KLHL29: variants seen among roughly 807,000 people sequenced by gnomAD.
KLHL29 encodes the protein kelch like family member 29, also known as kelch-like protein 29.
Under a neutral mutation model 80.4 loss-of-function variants are expected in KLHL29, and 21 were observed. The observed-to-expected ratio is 0.26, with a 90% CI of 0.19 to 0.38. The LOEUF is 0.38. Ranked by LOEUF, KLHL29 falls within the 10% of genes least tolerant of loss-of-function variation. KLHL29 has a pLI of 1.00. For synonymous variants in KLHL29, 511 were observed against 526.8 expected (o/e 0.97, Z 0.41); for missense variants, 867 against 1,223.9 (o/e 0.71, Z 4.35).
At chr2:23,431,028 AC>A (rs1663161361) in intron 1 of KLHL29, among the ~76,000 whole-genome samples, 1 of 151,994 alleles carries the variant, frequency 6.6e-6, no homozygotes, top group Admixed American at 6.5e-5. Flanking sequence ...CACAACAGAT[AC>A]TCCTTTCTCC....
At chr2:23,644,894 G>T (rs1368065789) in intron 5 of KLHL29, among the ~76,000 whole-genome samples, 1 of 152,234 alleles carries the variant, frequency 6.6e-6, no homozygotes, top group East Asian at 1.9e-4. Context: ...CTTCTGGTGA[G>T]CCAGCGGGAC....
At chr2:23,403,501 CA>C (rs1481496116) in intron 1 of KLHL29, among the ~76,000 whole-genome samples, 2 of 152,146 alleles carry the variant, frequency 1.3e-5, no homozygotes, top group Non-Finnish European at 2.9e-5. Context: ...AAGCAGGCTT[CA>C]AACCTTAAAA....
At chr2:23,491,556 A>G (rs1012722689) in intron 2 of KLHL29, among the ~76,000 whole-genome samples, 1 of 67,236 alleles carries the variant, frequency 1.5e-5, no homozygotes, top group Non-Finnish European at 3.1e-5. Flanking sequence ...CCGCTGGGCC[A>G]GCAGCTCTGC....
At chr2:23,541,329 T>G (rs142401567) in intron 2 of KLHL29, among the ~76,000 whole-genome samples, 1 of 152,338 alleles carries the variant, frequency 6.6e-6, no homozygotes, top group Non-Finnish European at 1.5e-5. Context: ...TATGCCTAGC[T>G]ATGGAGAAGG....
At chr2:23,705,781 T>C (rs1294657902) in intron 13 of KLHL29, among the ~76,000 whole-genome samples, 1 of 152,058 alleles carries the variant, frequency 6.6e-6, no homozygotes, top group African/African-American at 2.4e-5. Flanking sequence ...GTGTCAGGGC[T>C]AGAAACAAGG....
intron 2 of KLHL29, among the ~76,000 whole-genome samples, chr2:23,480,970 C>G (rs989401470): frequency 6.6e-6 from 1 of 152,194 alleles, no homozygotes; most frequent in Admixed American, 6.5e-5. Flanking sequence ...ATTCTTCTCC[C>G]GAGCCACTGT....
At chr2:23,602,351 C>T (rs1239520812) in intron 3 of KLHL29, among the ~76,000 whole-genome samples, 1 of 152,196 alleles carries the variant, frequency 6.6e-6, no homozygotes, top group Non-Finnish European at 1.5e-5. Context: ...TTCTTGGTAA[C>T]AGCACTGGCT....
At chr2:23,401,332 C>G (rs922666116) in intron 1 of KLHL29, among the ~76,000 whole-genome samples, 2 of 152,198 alleles carry the variant, frequency 1.3e-5, no homozygotes, top group African/African-American at 2.4e-5. Flanking sequence ...AAACCGTACT[C>G]TATACACCCC....
In KLHL29 at chr2:23,700,459, C is replaced by T. The variant is rs1184021413; in HGVS notation, c.2106-2727C>T. Among the ~76,000 whole-genome samples, 1 of 152,150 alleles carries T rather than the reference C, an allele frequency of 6.6e-6. No individual in the cohort carries two copies. Among genetic ancestry groups the T allele is most frequent in the African/African-American group, 2.4e-5 (1 of 41,424 alleles). On this transcript the variant is annotated intron_variant, in intron 11 of 13. Transcript: ENST00000486442. This position sits in a 1 kb window ranked among gnomAD's most constrained non-coding sequence, Gnocchi z 4.6. Reference sequence around the variant, plus strand: ...ATTGCGCCTCTCCAGGGAGGAGATTCCAGAGAATGGTGGCCACAGCACATC... The same window carrying T: ...ATTGCGCCTCTCCAGGGAGGAGATTTCAGAGAATGGTGGCCACAGCACATC...
intron 1 of KLHL29, among the ~76,000 whole-genome samples, chr2:23,410,689 G>A (rs754815824): frequency 5.9e-5 from 9 of 152,048 alleles, no homozygotes; most frequent in South Asian, 2.1e-4. Context: ...TGCTTGTGAC[G>A]ACACTCTGAC....
intron 3 of KLHL29, among the ~76,000 whole-genome samples, chr2:23,615,320 G>A (rs1041441378): frequency 4.6e-5 from 7 of 152,104 alleles, no homozygotes; most frequent in African/African-American, 1.2e-4. Flanking sequence ...TCACTGAACC[G>A]GGTGCTGCCA....
chr2:23,614,678 G>A lies in KLHL29; in HGVS notation c.286-24461G>A, dbSNP rs138396947. Reference sequence around the variant, plus strand: ...AATGAATAAGGAGTGTTAGCTGTGAGATTTGAAATAGTAGGGTTCGGAAAG... The same window carrying A: ...AATGAATAAGGAGTGTTAGCTGTGAAATTTGAAATAGTAGGGTTCGGAAAG... On this transcript the variant is annotated intron_variant, in intron 3 of 13. Transcript: ENST00000486442. Among the ~76,000 whole-genome samples the A allele has an allele frequency of 1.0e-3, 156 of 152,252 alleles. 3 individuals are homozygous for A. The East Asian group carries it at 0.029, about 28-fold the overall frequency.
rs1572444306 is a variant in KLHL29 at position 23,620,636 on chromosome 2, G to A, written c.286-18503G>A. 3.3e-5 allele frequency among the ~76,000 whole-genome samples: 5 copies of A among 152,320 alleles called. 1 individual carries two copies. Among genetic ancestry groups the A allele is most frequent in the Admixed American group, 3.3e-4 (5 of 15,304 alleles). ...CAGAGGCCAGTCCGGGACACACAGAGTGTGAAGTGCAGGCAGGACATCCAA... is the reference window on the plus strand; with the variant it reads ...CAGAGGCCAGTCCGGGACACACAGAATGTGAAGTGCAGGCAGGACATCCAA... On this transcript the variant is annotated intron_variant, in intron 3 of 13. Transcript: ENST00000486442.
chr2:23,612,127 A>G (rs1668886502), intron 3 of KLHL29, among the ~76,000 whole-genome samples: 1 of 152,218 alleles, frequency 6.6e-6, no homozygotes. Context: ...ATATCAAGTC[A>G]TAGATTCAAG....
intron 5 of KLHL29, among the ~76,000 whole-genome samples, chr2:23,646,314 T>C (rs1669932532): frequency 6.6e-6 from 1 of 152,244 alleles, no homozygotes; most frequent in African/African-American, 2.4e-5. Context: ...GCACAGGCTA[T>C]GAATGCAGCT....
intron 1 of KLHL29, among the ~76,000 whole-genome samples, chr2:23,442,121 T>A (rs1663543925): frequency 6.6e-6 from 1 of 152,018 alleles, no homozygotes; most frequent in Non-Finnish European, 1.5e-5. Flanking sequence ...TGAGACAGGG[T>A]CTTGTAGGCT....
intron 5 of KLHL29, among the ~76,000 whole-genome samples, chr2:23,660,794 G>A (rs996588082): frequency 6.6e-6 from 1 of 152,212 alleles, no homozygotes; most frequent in Non-Finnish European, 1.5e-5. Flanking sequence ...GGGAGGCCAA[G>A]GTGGGTGGAT....
chr2:23,546,504 A>G (rs1314244284), intron 2 of KLHL29, among the ~76,000 whole-genome samples: 4 of 152,078 alleles, frequency 2.6e-5, no homozygotes, highest in African/African-American at 9.7e-5. Flanking sequence ...TGTGCATGAA[A>G]GGTATCCGGC....
rs1558454627 is a variant in KLHL29 at position 23,706,744 on chromosome 2, C to T, written c.*80C>T. ...ACGCAATGATAATTTTCCAGCGACACCAACAAGAGGCCAACAAAACACAAT... is the reference window on the plus strand; with the variant it reads ...ACGCAATGATAATTTTCCAGCGACATCAACAAGAGGCCAACAAAACACAAT... On this transcript the variant is annotated 3_prime_UTR_variant, in exon 14 of 14. Coordinates refer to ENST00000486442, the MANE Select transcript of KLHL29 (RefSeq NM_052920.2). 3 of 1,039,974 alleles carry T rather than the reference C, an allele frequency of 2.9e-6. No individual in the cohort carries two copies. Among genetic ancestry groups the T allele is most frequent in the East Asian group, 2.9e-5 (1 of 34,414 alleles). The allele number at this position is 1,039,974 out of a possible 1,614,324, so 64.4% of individuals were successfully genotyped here. A position where few individuals can be genotyped will look rare whatever the true frequency, so the allele number is the denominator to read the frequency against.
Sources: allele counts gnomAD v4.1 joint callset (sites outside exome capture counted in the v4.1 genomes callset), GRCh38; gene constraint gnomAD v4.1.1; non-coding constraint Gnocchi (gnomAD v3.1); transcripts MANE v1.5; gene names NCBI Gene and HGNC (gene_info 2026-07-23, HGNC 2026-07-21).